Variants in ADGRL2 observed in about 807,000 individuals in gnomAD.
The protein encoded by ADGRL2 is adhesion G protein-coupled receptor L2, also known as calcium-independent alpha-latrotoxin receptor 2.
A neutral mutation model predicts 157.4 loss-of-function variants in ADGRL2; 44 were observed. The observed-to-expected ratio is 0.28, with a 90% CI of 0.22 to 0.36. The LOEUF (loss-of-function observed/expected upper bound fraction) is 0.36, where lower values mean the gene tolerates loss of function less well. Ranked by LOEUF, ADGRL2 falls within the 10% of genes least tolerant of loss-of-function variation. The probability of loss-of-function intolerance (pLI) is 1.00; values close to 1 mark genes in which losing one functional copy is unlikely to be tolerated. For missense variants in ADGRL2, 1,510 were observed against 1,768.9 expected, an observed-to-expected ratio of 0.85 and a Z score of 2.63; for synonymous variants, 585 against 624.7, an observed-to-expected ratio of 0.94 and a Z score of 0.95.
chr1:81,969,906 T>G (rs1572431591), intron 15 of ADGRL2, among the ~76,000 whole-genome samples: 1 of 152,126 alleles, frequency 6.6e-6, no homozygotes, highest in African/African-American at 2.4e-5. Flanking sequence ...TAAAATTCCA[T>G]TATAGAAAAA....
intron 1 of ADGRL2, among the ~76,000 whole-genome samples, chr1:81,394,833 A>G (rs1023774323): frequency 5.3e-5 from 8 of 151,970 alleles, no homozygotes; most frequent in African/African-American, 1.7e-4. Flanking sequence ...TCCTTTCTCT[A>G]CATTCTTTCC....
chr1:81,564,757 G>C (rs572795548), intron 2 of ADGRL2, among the ~76,000 whole-genome samples: 27 of 152,266 alleles, frequency 1.8e-4, no homozygotes, highest in African/African-American at 6.5e-4. Context: ...GATTCACTGG[G>C]AGCCACCTGA....
intron 1 of ADGRL2, among the ~76,000 whole-genome samples, chr1:81,361,928 T>C (rs1003838972): frequency 1.3e-5 from 2 of 151,728 alleles, no homozygotes; most frequent in East Asian, 3.9e-4. Flanking sequence ...TCCAGTAGCA[T>C]ACACTATGGT....
At chr1:81,843,946 T>G (rs912366314) in intron 2 of ADGRL2, among the ~76,000 whole-genome samples, 5 of 152,162 alleles carry the variant, frequency 3.3e-5, no homozygotes, top group Non-Finnish European at 7.4e-5. Flanking sequence ...TTATCCACAG[T>G]CTTCGTTGAT....
intron 2 of ADGRL2, among the ~76,000 whole-genome samples, chr1:81,544,151 A>G (rs1046929891): frequency 1.8e-4 from 27 of 152,132 alleles, no homozygotes; most frequent in Non-Finnish European, 3.5e-4. Context: ...ATCTATGACC[A>G]TGCTACAAAA....
intron 2 of ADGRL2, among the ~76,000 whole-genome samples, chr1:81,492,434 A>C (rs546022624): frequency 6.6e-6 from 1 of 152,360 alleles, no homozygotes; most frequent in African/African-American, 2.4e-5. Flanking sequence ...TTAAACACAC[A>C]GAACTTTATT....
At chr1:81,502,932 A>T (rs906460589) in intron 2 of ADGRL2, 1 of 1,612,302 alleles carries the variant, frequency 6.2e-7, no homozygotes, top group Non-Finnish European at 8.5e-7. Flanking sequence ...GAATATCCCC[A>T]GCAACCACTC....
chr1:81,676,726 G>A (rs574797952), intron 3 of ADGRL2, among the ~76,000 whole-genome samples: 27 of 151,746 alleles, frequency 1.8e-4, no homozygotes, highest in African/African-American at 4.6e-4. Flanking sequence ...TTGCTCTGTC[G>A]CCCAGGCTGG....
At chr1:81,838,070 G>T (rs67651740) in intron 2 of ADGRL2, among the ~76,000 whole-genome samples, 21,328 of 151,710 alleles carry the variant, frequency 0.14, 1,667 homozygotes, top group East Asian at 0.2. Flanking sequence ...CACTTATACC[G>T]ATTATTAAAA....
rs77069826 is a variant in ADGRL2, at chr1:81,464,489, T to C, written c.-248+19400T>C. On this transcript the variant is annotated intron_variant, in intron 2 of 24. Coordinates refer to the ADGRL2 transcript ENST00000370721. ...TGAATAATTAAAACTCTGTTATTAA[T>C]GAACTTCCAGTCGTTATGTAAATGA... Among the ~76,000 whole-genome samples the C allele has an allele frequency of 4.0e-4, 61 of 152,320 alleles. No individual in the cohort carries two copies. The East Asian group carries it at 0.01, about 25-fold the overall frequency.
chr1:81,517,116 AT>A (rs896948287), intron 2 of ADGRL2, among the ~76,000 whole-genome samples: 1 of 151,996 alleles, frequency 6.6e-6, no homozygotes, highest in Non-Finnish European at 1.5e-5. Context: ...AATAATTCTT[AT>A]TTTTTTCACC....
chr1:81,571,423 A>G (rs1038625540), intron 2 of ADGRL2, among the ~76,000 whole-genome samples: 3 of 147,808 alleles, frequency 2.0e-5, no homozygotes, highest in East Asian at 2.0e-4. Context: ...ATGTATATAT[A>G]TGTGTGTGTG....
intron 3 of ADGRL2, among the ~76,000 whole-genome samples, chr1:81,668,637 C>A (rs1264775398): frequency 6.6e-6 from 1 of 152,078 alleles, no homozygotes; most frequent in Non-Finnish European, 1.5e-5. Context: ...GATCTTGGCT[C>A]ACTGCAACCT....
At chr1:81,443,187 A>C (rs1474391290) in intron 1 of ADGRL2, among the ~76,000 whole-genome samples, 1 of 152,140 alleles carries the variant, frequency 6.6e-6, no homozygotes, top group African/African-American at 2.4e-5. Context: ...TTGGGAGGCC[A>C]ATGTGGGTGG....
intron 2 of ADGRL2, among the ~76,000 whole-genome samples, chr1:81,841,844 T>C (rs2092593522): frequency 6.6e-6 from 1 of 152,172 alleles, no homozygotes; most frequent in African/African-American, 2.4e-5. Context: ...AAGAGGTTCA[T>C]AGTCTGTATA....
intron 2 of ADGRL2, among the ~76,000 whole-genome samples, chr1:81,894,655 A>G (rs919922762): frequency 2.6e-5 from 4 of 152,160 alleles, no homozygotes; most frequent in African/African-American, 9.6e-5. Context: ...TAAAGGAAAA[A>G]GAGTAGAAAT....
chr1:81,693,820 T>TTTTC lies in ADGRL2; in HGVS notation c.-142-67991_-142-67990insTTTC, dbSNP rs2083390071. On this transcript the variant is annotated intron_variant, in intron 3 of 24. Coordinates refer to the ADGRL2 transcript ENST00000370721. ...AGTGGCTGGCAGGGGAAATTATATA[T>TTTTC]AGAAAAATGACACAGAAAAGATATG... Among the ~76,000 whole-genome samples the TTTTC allele has an allele frequency of 5.9e-5, 9 of 152,260 alleles. No homozygotes were observed. In the South Asian group the frequency reaches 1.9e-3, roughly 32 times the overall value.
chr1:81,717,092 G>T (rs910055995), intron 1 of ADGRL2, among the ~76,000 whole-genome samples: 16 of 152,186 alleles, frequency 1.1e-4, no homozygotes, highest in Middle Eastern at 3.4e-3. Flanking sequence ...ATTTAGCATC[G>T]GTTGGTCATG....
At chr1:81,560,442 T>C (rs2080413647) in intron 2 of ADGRL2, among the ~76,000 whole-genome samples, 1 of 152,212 alleles carries the variant, frequency 6.6e-6, no homozygotes, top group Non-Finnish European at 1.5e-5. Context: ...TAGTGCTGTA[T>C]CCTGTTCAAT....
Sources: allele counts gnomAD v4.1 joint callset (sites outside exome capture counted in the v4.1 genomes callset), GRCh38; gene constraint gnomAD v4.1.1; transcripts MANE v1.5; gene names NCBI Gene and HGNC (gene_info 2026-07-23, HGNC 2026-07-21).